The following ADARB1 variants were observed in gnomAD, a reference collection of about 807,000 sequenced individuals.
ADARB1 encodes the protein adenosine deaminase RNA specific B1.
ADARB1 carries 10 observed loss-of-function variants against 52.4 expected under a neutral mutation model. That is an observed-to-expected ratio of 0.19 (90% CI 0.12 to 0.32). The LOEUF (loss-of-function observed/expected upper bound fraction) is 0.32, where lower values mean the gene tolerates loss of function less well. Among genes scored for constraint, ADARB1 ranks in the 10% least tolerant of loss-of-function variants. ADARB1 has a pLI of 1.00. For missense variants in ADARB1, 643 were observed against 922.3 expected, an observed-to-expected ratio of 0.70 and a Z score of 3.92; for synonymous variants, 349 against 371.1, an observed-to-expected ratio of 0.94 and a Z score of 0.68.
At position 45,224,713 on chromosome 21, in the gene ADARB1, C is replaced by T. The variant is rs1238643634; in HGVS notation, c.*2516C>T. 12 of 996,452 alleles carry T rather than the reference C, an allele frequency of 1.2e-5. No homozygotes were observed. The highest frequency in any genetic ancestry group is 1.8e-5 in the African/African-American group (1 of 56,758). The allele number at this position is 996,452 out of a possible 1,614,324, so 61.7% of individuals were successfully genotyped here. A position where few individuals can be genotyped will look rare whatever the true frequency, so the allele number is the denominator to read the frequency against. ...GGCGGCTGTAGGAAGGAACTGGTTTCGGGGAGCCCTGGGCGGGGCGGCTGT... is the reference window on the plus strand; with the variant it reads ...GGCGGCTGTAGGAAGGAACTGGTTTTGGGGAGCCCTGGGCGGGGCGGCTGT... On this transcript the variant is annotated 3_prime_UTR_variant, in exon 11 of 11. Transcript: ENST00000348831.
intron 1 of ADARB1, among the ~76,000 whole-genome samples, chr21:45,122,130 GC>G (rs2088231346): frequency 6.6e-6 from 1 of 152,178 alleles, no homozygotes; most frequent in South Asian, 2.1e-4. Flanking sequence ...CTCATCAGTT[GC>G]CCATATGTGT....
At chr21:45,159,477 C>A (rs552441846) in intron 2 of ADARB1, among the ~76,000 whole-genome samples, 46 of 152,282 alleles carry the variant, frequency 3.0e-4, no homozygotes, top group African/African-American at 1.1e-3. Context: ...TGAATGGGAG[C>A]AAAACCATAA....
chr21:45,081,665 T>C (rs549232385), intron 1 of ADARB1, among the ~76,000 whole-genome samples: 2 of 152,276 alleles, frequency 1.3e-5, no homozygotes, highest in Admixed American at 1.3e-4. Context: ...GAGACAGGGC[T>C]GAGGTAGATG....
At chr21:45,109,159 G>A (rs147643316) in intron 1 of ADARB1, among the ~76,000 whole-genome samples, 6 of 151,198 alleles carry the variant, frequency 4.0e-5, no homozygotes, top group African/African-American at 9.7e-5. Context: ...GCGCGTGTGC[G>A]TATATGTGTG....
In ADARB1 at chr21:45,224,552, G is replaced by A; in HGVS notation, c.*2355G>A. The A allele has an allele frequency of 1.2e-5, 12 of 990,596 alleles. No homozygotes were observed. In the South Asian group the frequency reaches 3.1e-4, roughly 26 times the overall value. The allele number at this position is 990,596 out of a possible 1,614,324, so 61.4% of individuals were successfully genotyped here. On this transcript the variant is annotated 3_prime_UTR_variant, in exon 11 of 11. Transcript: ENST00000348831. The stretch of plus-strand genomic sequence containing the variant: ...GGAGCCCTGGGCGGGGCGGCTGTTG[G>A]GGGGAACTGGGTTCGGGGTGCCCTG...
intron 8 of ADARB1, among the ~76,000 whole-genome samples, chr21:45,191,870 ATATATATATATTTTTTTTTTTTTTT>A (rs2092298859): frequency 8.6e-5 from 1 of 11,650 alleles, no homozygotes; most frequent in East Asian, 2.3e-3. Context: ...ATATATATAT[ATATATATATATTTTTTTTTTTTTTT>A]TTTTTTTTTT....
chr21:45,223,180 G>T lies in ADARB1; in HGVS notation c.*983G>T. 1 of 985,490 alleles carries T rather than the reference G, an allele frequency of 1.0e-6. No homozygotes were observed. Among genetic ancestry groups the T allele is most frequent in the Non-Finnish European group, 1.2e-6 (1 of 829,942 alleles). The allele number at this position is 985,490 out of a possible 1,614,324, so 61.0% of individuals were successfully genotyped here. A position where few individuals can be genotyped will look rare whatever the true frequency, so the allele number is the denominator to read the frequency against. The stretch of plus-strand genomic sequence containing the variant: ...GCCCGAAGGCCTTCACAGGATGGAA[G>T]TAGAATGATTTCAGTAGATACTCAT... On this transcript the variant is annotated 3_prime_UTR_variant, in exon 11 of 11. Coordinates refer to ENST00000348831, the MANE Select transcript of ADARB1 (RefSeq NM_001112.4).
rs1246928836 is a variant in ADARB1 at position 45,200,267 on chromosome 21, G to T, written c.1566-4288G>T. On this transcript the variant is annotated intron_variant, in intron 8 of 10. Transcript: ENST00000348831. The surrounding 1 kb of genome is among the most constrained non-coding windows in gnomAD (Gnocchi z 5.0). ...AGCACTGCCATTGGAGGTCACCAGG[G>T]TGTCCATCCCACTGGCAGGCAGTTT... Among the ~76,000 whole-genome samples the T allele has an allele frequency of 6.6e-6, 1 of 152,230 alleles. No individual in the cohort carries two copies. Among genetic ancestry groups the T allele is most frequent in the Admixed American group, 6.5e-5 (1 of 15,284 alleles).
chr21:45,090,007 C>A (rs754034445), intron 1 of ADARB1, among the ~76,000 whole-genome samples: 2 of 152,144 alleles, frequency 1.3e-5, no homozygotes, highest in Non-Finnish European at 2.9e-5. Context: ...TTGTCTTTGA[C>A]GTGAATGCTT....
In ADARB1 at chr21:45,225,070, GTTGTT is replaced by G. The variant is rs6487; in HGVS notation, c.*2894_*2898del. On this transcript the variant is annotated 3_prime_UTR_variant, in exon 11 of 11. Coordinates refer to ENST00000348831, the MANE Select transcript of ADARB1 (RefSeq NM_001112.4). ...ACAAGTAGGGGAAGAGAGGGCTTCTGTTGTTTTGTTTTGTTTTGTTTTGTTAACTA... is the reference window on the plus strand; with the variant it reads ...ACAAGTAGGGGAAGAGAGGGCTTCTGTTGTTTTGTTTTGTTTTGTTAACTA... 0.57 allele frequency: 564,857 copies of G among 985,506 alleles called. 162,180 individuals are homozygous for G. Among genetic ancestry groups the G allele is most frequent in the East Asian group, 0.68 (5,929 of 8,780 alleles). The allele number at this position is 985,506 out of a possible 1,614,324, so 61.0% of individuals were successfully genotyped here.
Position 45,117,537 on chromosome 21 carries a change from G to A in ADARB1, c.-219-10865G>A, listed in dbSNP as rs28637180. On this transcript the variant is annotated intron_variant, in intron 1 of 10. Coordinates refer to ENST00000348831, the MANE Select transcript of ADARB1 (RefSeq NM_001112.4). ...CAGTACAGGTAGTGCCGTTCTCTTC[G>A]TAGGACTGTGACACTTTATCTTTGT... Among the ~76,000 whole-genome samples the A allele has an allele frequency of 8.5e-3, 1,291 of 151,736 alleles. 21 individuals are homozygous for A. Among genetic ancestry groups the A allele is most frequent in the African/African-American group, 0.03 (1,220 of 41,284 alleles).
At chr21:45,096,483 G>C (rs1427511794) in intron 1 of ADARB1, among the ~76,000 whole-genome samples, 3 of 152,186 alleles carry the variant, frequency 2.0e-5, no homozygotes, top group African/African-American at 7.2e-5. Flanking sequence ...CCTGCCCTGA[G>C]GCTGTTGGAG....
intron 5 of ADARB1, among the ~76,000 whole-genome samples, chr21:45,181,258 C>T (rs1352365630): frequency 1.3e-5 from 2 of 152,194 alleles, no homozygotes; most frequent in Non-Finnish European, 2.9e-5. Context: ...GTTCTTTCCC[C>T]CTGAGGGGTC....
chr21:45,194,314 G>T (rs866433345), intron 8 of ADARB1, among the ~76,000 whole-genome samples: 2 of 152,118 alleles, frequency 1.3e-5, no homozygotes, highest in Non-Finnish European at 2.9e-5. Context: ...TTACAATGGG[G>T]CTCACTCTTG....
At chr21:45,096,651 A>G (rs1287469021) in intron 1 of ADARB1, among the ~76,000 whole-genome samples, 2 of 152,216 alleles carry the variant, frequency 1.3e-5, no homozygotes, top group Non-Finnish European at 2.9e-5. Flanking sequence ...GGGCGATCAT[A>G]CTATAGAAAG....
rs891585946 is a variant in ADARB1 at position 45,226,383 on chromosome 21, A to T, written c.*4186A>T. 1.3e-5 allele frequency: 2 copies of T among 152,638 alleles called. No homozygotes were observed. Among genetic ancestry groups the T allele is most frequent in the African/African-American group, 2.4e-5 (1 of 41,432 alleles). 9.5% of individuals were successfully genotyped at this position (152,638 alleles called of 1,614,324 possible). Reference sequence around the variant, plus strand: ...TTTCTATGAATGTAATTCGGCTGAGAAACATGTTGCTGAGATGCAATCCTC... The same window carrying T: ...TTTCTATGAATGTAATTCGGCTGAGTAACATGTTGCTGAGATGCAATCCTC... On this transcript the variant is annotated 3_prime_UTR_variant, in exon 11 of 11. Transcript: ENST00000348831.
At chr21:45,124,184 G>A (rs1032231786) in intron 1 of ADARB1, among the ~76,000 whole-genome samples, 4 of 152,104 alleles carry the variant, frequency 2.6e-5, no homozygotes, top group Admixed American at 6.5e-5. Context: ...TTTTGTATAC[G>A]ATGTTTACAC....
intron 2 of ADARB1, among the ~76,000 whole-genome samples, chr21:45,171,021 T>G (rs1305702722): frequency 1.3e-5 from 2 of 152,216 alleles, no homozygotes; most frequent in Non-Finnish European, 2.9e-5. Context: ...GAGAAGTAGC[T>G]AAGTGAGAAG....
chr21:45,210,929 C>T (rs1353154242), intron 9 of ADARB1, among the ~76,000 whole-genome samples: 1 of 152,244 alleles, frequency 6.6e-6, no homozygotes, highest in Non-Finnish European at 1.5e-5. Context: ...GCTCTCTGGA[C>T]ATGAGCCCAC....
Sources: allele counts gnomAD v4.1 joint callset (sites outside exome capture counted in the v4.1 genomes callset), GRCh38; gene constraint gnomAD v4.1.1; non-coding constraint Gnocchi (gnomAD v3.1); transcripts MANE v1.5; gene names NCBI Gene and HGNC (gene_info 2026-07-23, HGNC 2026-07-21).